The following LDAH variants were observed in gnomAD, a reference collection of about 807,000 sequenced individuals.
LDAH encodes the protein lipid droplet-associated hydrolase.
LDAH carries 26 observed loss-of-function variants against 29.6 expected under a neutral mutation model. The ratio of observed to expected loss-of-function variants is 0.88; its 90% CI spans 0.64 to 1.22. The LOEUF (loss-of-function observed/expected upper bound fraction) is 1.22. LDAH is among the 50% of genes most tolerant of loss of function. The pLI, the probability that LDAH is intolerant of heterozygous loss-of-function variation, is 0.00. For synonymous variants in LDAH, 117 were observed against 133.0 expected, an observed-to-expected ratio of 0.88 and a Z score of 0.83; for missense variants, 344 against 387.3, an observed-to-expected ratio of 0.89 and a Z score of 0.94.
intron 1 of LDAH, among the ~76,000 whole-genome samples, chr2:20,816,365 T>C (rs1034514196): frequency 2.0e-5 from 3 of 151,962 alleles, no homozygotes; most frequent in Non-Finnish European, 2.9e-5. Context: ...GACCCAAGCA[T>C]ATAGCGTCTA....
At chr2:20,701,242 T>C (rs1324309106) in intron 6 of LDAH, among the ~76,000 whole-genome samples, 1 of 152,230 alleles carries the variant, frequency 6.6e-6, no homozygotes, top group Non-Finnish European at 1.5e-5. Flanking sequence ...GTTTCATTTA[T>C]ATTCCAACAT....
chr2:20,797,288 A>G (rs1671365678), intron 2 of LDAH, among the ~76,000 whole-genome samples: 1 of 152,242 alleles, frequency 6.6e-6, no homozygotes, highest in Non-Finnish European at 1.5e-5. Context: ...TGGACTAGGC[A>G]TAACCAAACA....
intron 3 of LDAH, among the ~76,000 whole-genome samples, chr2:20,779,189 A>G (rs1670014784): frequency 6.6e-6 from 1 of 152,224 alleles, no homozygotes; most frequent in African/African-American, 2.4e-5. Context: ...CTTGCATGTA[A>G]AAATTGAAAG....
At chr2:20,736,379 T>G (rs1163062086) in intron 5 of LDAH, among the ~76,000 whole-genome samples, 1 of 151,858 alleles carries the variant, frequency 6.6e-6, no homozygotes, top group Non-Finnish European at 1.5e-5. Flanking sequence ...GAGGCGGAGG[T>G]TGCAGTGAGC....
intron 6 of LDAH, among the ~76,000 whole-genome samples, chr2:20,689,562 T>C (rs765676950): frequency 1.7e-4 from 26 of 152,224 alleles, no homozygotes; most frequent in Non-Finnish European, 3.4e-4. Flanking sequence ...TACCCTGCTA[T>C]AGCTTTGCCT....
downstream of LDAH, among the ~76,000 whole-genome samples, chr2:20,682,932 T>C (rs1228123633): frequency 1.3e-5 from 2 of 152,184 alleles, no homozygotes; most frequent in Non-Finnish European, 2.9e-5. Flanking sequence ...GGTGCTGGGG[T>C]GAGCAGCATA....
chr2:20,687,908 C>T (rs952701004), intron 6 of LDAH, among the ~76,000 whole-genome samples: 7 of 152,214 alleles, frequency 4.6e-5, no homozygotes, highest in Admixed American at 3.9e-4. Flanking sequence ...AAACCAAGAA[C>T]TAAATCTTAA....
intron 4 of LDAH, among the ~76,000 whole-genome samples, chr2:20,754,079 C>A (rs572429033): frequency 6.6e-6 from 1 of 152,100 alleles, no homozygotes; most frequent in South Asian, 2.1e-4. Context: ...AAGATTGGAT[C>A]AGGCAAGGAT....
intron 6 of LDAH, among the ~76,000 whole-genome samples, chr2:20,701,219 T>C (rs28532204): frequency 0.19 from 28,279 of 152,192 alleles, 3,299 homozygotes; most frequent in Admixed American, 0.24. Context: ...TAACATATAA[T>C]GTATTTTCCA....
chr2:20,795,984 C>CAA (rs1671283136), intron 2 of LDAH, among the ~76,000 whole-genome samples: 2 of 115,840 alleles, frequency 1.7e-5, no homozygotes, highest in African/African-American at 6.1e-5. Flanking sequence ...CACACACACA[C>CAA]AAAATACAAT....
chr2:20,821,846 T>C (rs1436845458), intron 1 of LDAH, among the ~76,000 whole-genome samples: 1 of 152,146 alleles, frequency 6.6e-6, no homozygotes, highest in Non-Finnish European at 1.5e-5. Flanking sequence ...TATTAAAATA[T>C]AAAATTTTAG....
intron 5 of LDAH, among the ~76,000 whole-genome samples, chr2:20,734,019 C>A (rs1172352485): frequency 1.3e-5 from 2 of 152,122 alleles, no homozygotes; most frequent in African/African-American, 4.8e-5. Flanking sequence ...ATGATATCAA[C>A]ATGTTGATAT....
At chr2:20,814,742 A>C (rs1349472572) in intron 1 of LDAH, among the ~76,000 whole-genome samples, 1 of 152,146 alleles carries the variant, frequency 6.6e-6, no homozygotes, top group African/African-American at 2.4e-5. Context: ...AGTAAATATA[A>C]ATTTTTCATT....
At chr2:20,749,507 T>C (rs1667808782) in intron 4 of LDAH, among the ~76,000 whole-genome samples, 1 of 152,102 alleles carries the variant, frequency 6.6e-6, no homozygotes, top group Non-Finnish European at 1.5e-5. Context: ...ATGAATAATA[T>C]AATGCAAAGG....
intron 6 of LDAH, among the ~76,000 whole-genome samples, chr2:20,690,384 T>G (rs998465318): frequency 1.7e-4 from 26 of 152,234 alleles, no homozygotes; most frequent in Admixed American, 2.6e-4. Flanking sequence ...CTACAATCCT[T>G]AAACGTTTGA....
intron 3 of LDAH, among the ~76,000 whole-genome samples, chr2:20,782,719 T>A (rs1670280896): frequency 6.6e-6 from 1 of 152,156 alleles, no homozygotes; most frequent in East Asian, 1.9e-4. Context: ...TTCTCCCCCC[T>A]TGGTTAGCCT....
At chr2:20,763,907 TC>T (rs1668850255) in intron 4 of LDAH, among the ~76,000 whole-genome samples, 1 of 152,042 alleles carries the variant, frequency 6.6e-6, no homozygotes, top group South Asian at 2.1e-4. Context: ...CTTGCAGCTT[TC>T]CAAAAAATTA....
intron 1 of LDAH, among the ~76,000 whole-genome samples, chr2:20,813,482 T>C (rs1011597951): frequency 2.0e-5 from 3 of 152,170 alleles, no homozygotes; most frequent in Non-Finnish European, 4.4e-5. Context: ...TATATGACCA[T>C]CTCCCTGGTG....
intron 4 of LDAH, among the ~76,000 whole-genome samples, chr2:20,745,025 G>A (rs1667472233): frequency 6.6e-6 from 1 of 152,060 alleles, no homozygotes; most frequent in Non-Finnish European, 1.5e-5. Context: ...TGATTTCTCA[G>A]TTTGCTTAGC....
Sources: allele counts gnomAD v4.1 joint callset (sites outside exome capture counted in the v4.1 genomes callset), GRCh38; gene constraint gnomAD v4.1.1; transcripts MANE v1.5; gene names NCBI Gene and HGNC (gene_info 2026-07-23, HGNC 2026-07-21).